The following MROH2B variants were observed in gnomAD, a reference collection of about 807,000 sequenced individuals.
MROH2B encodes the protein maestro heat like repeat family member 2B, also known as maestro heat-like repeat-containing protein family member 2B.
In MROH2B, 177 loss-of-function variants were observed where a neutral mutation model predicts 208.6. The ratio of observed to expected loss-of-function variants is 0.85; its 90% CI spans 0.75 to 0.96. The LOEUF is 0.96. MROH2B is among the 40% of genes least tolerant of loss of function. MROH2B has a pLI of 0.00. For synonymous variants in MROH2B, 728 were observed against 659.0 expected (o/e 1.10, Z -1.60); for missense variants, 2,002 against 1,878.7 (o/e 1.07, Z -1.21).
At chr5:41,044,319 A>G (rs1360122311) in intron 18 of MROH2B, among the ~76,000 whole-genome samples, 2 of 152,100 alleles carry the variant, frequency 1.3e-5, no homozygotes, top group African/African-American at 4.8e-5. Context: ...AGTTGAGATT[A>G]GATGACTACC....
chr5:41,064,535 G>A lies in MROH2B; in HGVS notation c.397C>T (p.Leu133Phe). The change falls in exon 5 of 42, where the codon CTC becomes TTC. Residue 133 changes from leucine (L) to phenylalanine (F), a missense_variant. By Grantham distance (22) the Leu-to-Phe change is conservative. Coordinates refer to ENST00000399564, the MANE Select transcript of MROH2B (RefSeq NM_173489.5). ...QSIPFMMMTL[L>F]TMQTMLRLAE... ...AGCCTGAGCATGGTTTGCATGGTGA[G>A]CAGGGTCATCATCATGAAAGGAATA... 2 of 1,613,450 alleles carry A rather than the reference G, an allele frequency of 1.2e-6. No individual in the cohort carries two copies. The highest frequency in any genetic ancestry group is 1.7e-6 in the Non-Finnish European group (2 of 1,179,560).
intron 33 of MROH2B, among the ~76,000 whole-genome samples, chr5:41,008,349 G>T (rs1016765756): frequency 6.6e-6 from 1 of 152,124 alleles, no homozygotes; most frequent in Non-Finnish European, 1.5e-5. Context: ...AGAAACCAAA[G>T]ATAATATAGT....
At chr5:41,049,192 G>C in intron 14 of MROH2B, 51 bp from the exon 15 acceptor site, 1 of 1,606,034 alleles carries the variant, frequency 6.2e-7, no homozygotes, top group Non-Finnish European at 8.5e-7. Context: ...AGAGATTGGG[G>C]TTGGGTTTAA....
rs1743907130 is a variant in MROH2B, at chr5:41,069,270, A to G, written c.90+421T>C. Among the ~76,000 whole-genome samples, 3 of 152,206 alleles carry G rather than the reference A, an allele frequency of 2.0e-5. No homozygotes were observed. The South Asian group carries it at 6.2e-4, about 32-fold the overall frequency. On this transcript the variant is annotated intron_variant, in intron 2 of 41. Coordinates refer to ENST00000399564, the MANE Select transcript of MROH2B (RefSeq NM_173489.5). ...GCAGTTATTTCTTTTATTTTATAAAAGGTTGTTGAAATGTGAAAAGCCTTC... is the reference window on the plus strand; with the variant it reads ...GCAGTTATTTCTTTTATTTTATAAAGGGTTGTTGAAATGTGAAAAGCCTTC...
intron 18 of MROH2B, among the ~76,000 whole-genome samples, chr5:41,044,701 A>T (rs962733545): frequency 6.6e-6 from 1 of 152,192 alleles, no homozygotes; most frequent in African/African-American, 2.4e-5. Context: ...CAAATTAGAG[A>T]GTCGATCAAT....
chr5:41,000,536 C>G, intron 38 of MROH2B, 142 bp downstream of exon 38: 10 of 1,332,478 alleles, frequency 7.5e-6, no homozygotes, highest in Non-Finnish European at 1.0e-5. Context: ...GTAAGAAGAA[C>G]CTAGAATTGG....
rs181404160 is a variant in MROH2B at position 41,008,631 on chromosome 5, G to A, written c.3583C>T (p.Gln1195Ter). 9.3e-6 allele frequency: 15 copies of A among 1,613,876 alleles called. No homozygotes were observed. Among genetic ancestry groups the A allele is most frequent in the South Asian group, 1.1e-5 (1 of 91,066 alleles). The change falls in exon 33 of 42, where the codon CAG (glutamine) becomes TAG (stop). Residue 1195 changes from glutamine (Q) to a stop codon, truncating the protein, a stop_gained. Coordinates refer to ENST00000399564, the MANE Select transcript of MROH2B (RefSeq NM_173489.5). LOFTEE classifies it high-confidence loss of function. ...HRRHVMQQGE[Q>*]QQIPDPCRLS... ...CTGCAGGGGTCTGGGATCTGCTGCT[G>A]TTCTCCCTGCTGCATCACATGCCGC...
chr5:41,013,541 G>A (rs1022194361), intron 29 of MROH2B, among the ~76,000 whole-genome samples: 1 of 152,198 alleles, frequency 6.6e-6, no homozygotes, highest in Non-Finnish European at 1.5e-5. Flanking sequence ...TCTTCCCTTT[G>A]CATTAAGTAG....
At chr5:41,045,615 A>C (rs1443843168) in intron 18 of MROH2B, 131 bp downstream of exon 18, 1 of 678,914 alleles carries the variant, frequency 1.5e-6, no homozygotes, top group African/African-American at 2.1e-5. Context: ...AGTGGCCTTA[A>C]AAAGAGGGAA....
intron 24 of MROH2B, among the ~76,000 whole-genome samples, chr5:41,023,981 G>T (rs1481154515): frequency 1.3e-5 from 2 of 152,164 alleles, no homozygotes; most frequent in East Asian, 3.8e-4. Context: ...ACAAGCAAAT[G>T]CTGAGAGATT....
chr5:41,013,943 A>C (rs759167267), intron 29 of MROH2B, among the ~76,000 whole-genome samples: 9 of 152,156 alleles, frequency 5.9e-5, no homozygotes, highest in Non-Finnish European at 1.3e-4. Context: ...CTACAAACTG[A>C]CTTCCCTAAT....
At chr5:41,046,531 C>A (rs1356122876) in intron 17 of MROH2B, among the ~76,000 whole-genome samples, 1 of 151,670 alleles carries the variant, frequency 6.6e-6, no homozygotes, top group Non-Finnish European at 1.5e-5. Context: ...GGACACAATG[C>A]CAAACAAAAC....
intron 24 of MROH2B, among the ~76,000 whole-genome samples, chr5:41,030,718 T>C (rs1227445051): frequency 2.6e-5 from 4 of 152,036 alleles, no homozygotes; most frequent in Admixed American, 2.0e-4. Context: ...ACCTGATTTA[T>C]ATAAAACTAT....
chr5:41,038,589 G>T, intron 21 of MROH2B, 147 bp downstream of exon 21: 1 of 665,750 alleles, frequency 1.5e-6, no homozygotes, highest in Non-Finnish European at 2.3e-6. Flanking sequence ...AGTAATCCAC[G>T]AGACATTTAC....
At chr5:41,019,188 C>A (rs747379844) in intron 24 of MROH2B, among the ~76,000 whole-genome samples, 170 bp from the exon 25 acceptor site, 1 of 152,160 alleles carries the variant, frequency 6.6e-6, no homozygotes, top group Admixed American at 6.5e-5. Context: ...GAGATGGGAA[C>A]ACAGAATCAG....
Position 41,004,913 on chromosome 5 carries a change from T to C in MROH2B, c.3872A>G (p.Lys1291Arg). Reference sequence around the variant, plus strand: ...CCCATGCTTCCAAAGGATTGGTTCCTTCATGAGCTGAAATAATCAACACAC... The same window carrying C: ...CCCATGCTTCCAAAGGATTGGTTCCCTCATGAGCTGAAATAATCAACACAC... ...TGAAFFSELM[K>R]EPILWKHGNL... The change falls in exon 36 of 42, where the codon AAG becomes AGG. Residue 1291 changes from lysine to arginine, a missense_variant. Coordinates refer to ENST00000399564, the MANE Select transcript of MROH2B (RefSeq NM_173489.5). 6.2e-7 allele frequency: 1 copy of C among 1,613,766 alleles called. No individual in the cohort carries two copies. The highest frequency in any genetic ancestry group is 8.5e-7 in the Non-Finnish European group (1 of 1,179,796).
Position 41,000,345 on chromosome 5 carries a change from G to A in MROH2B, c.4357C>T (p.Arg1453Cys), listed in dbSNP as rs757635019. 6.9e-5 allele frequency: 111 copies of A among 1,613,150 alleles called. 1 individual carries two copies. In the East Asian group the frequency reaches 2.2e-3, roughly 32 times the overall value. The change falls in exon 39 of 42, where the codon CGT becomes TGT. Residue 1453 changes from arginine (R) to cysteine (C), a missense_variant. Transcript: ENST00000399564. ...GGAATGCAGACCATCAAGACATCAC[G>A]GCAAGCCTGGAAAACAGAGTTTTCT... ...DPNPKIGVAC[R>C]DVLMVCIPFL...
At chr5:41,030,089 T>A (rs1561289097) in intron 24 of MROH2B, among the ~76,000 whole-genome samples, 1 of 151,410 alleles carries the variant, frequency 6.6e-6, no homozygotes, top group East Asian at 1.9e-4. Context: ...CAGAATAAAT[T>A]AAAAAAAATA....
At position 41,057,154 on chromosome 5, in the gene MROH2B, C is replaced by T. The variant is rs1181662840; in HGVS notation, c.874G>A (p.Val292Ile). The part of the protein sequence containing the change: ...QQICRAPEPP[V>I]KENEMKASSC... ...GAAGCTTTCATTTCATTTTCCTTTA[C>T]TGGAGGCTCTGGAGCTCTGCAGATC... is the stretch of plus-strand genomic sequence containing the variant. The change falls in exon 9 of 42, where the codon GTA (valine) becomes ATA (isoleucine). Residue 292 changes from valine (V) to isoleucine (I), a missense_variant. Physicochemically the swap from Val to Ile is conservative, Grantham distance 29 (BLOSUM62 3). Coordinates refer to ENST00000399564, the MANE Select transcript of MROH2B (RefSeq NM_173489.5). 2 of 1,613,954 alleles carry T rather than the reference C, an allele frequency of 1.2e-6. No homozygotes were observed. Among genetic ancestry groups the T allele is most frequent in the African/African-American group, 1.3e-5 (1 of 75,040 alleles).
Sources: gnomAD v4.1 joint callset for allele counts (sites outside exome capture counted in the v4.1 genomes callset) on GRCh38, gnomAD v4.1.1 for gene constraint, MANE v1.5 for transcripts, NCBI Gene and HGNC (gene_info 2026-07-23, HGNC 2026-07-21) for gene names.